The following CCDC74A variants were observed in gnomAD, a reference collection of about 807,000 sequenced individuals.
CCDC74A encodes the protein coiled-coil domain containing 74A, also known as coiled-coil domain-containing protein 74A.
CCDC74A carries 38 observed loss-of-function variants against 37.6 expected under a neutral mutation model. The ratio of observed to expected loss-of-function variants is 1.01; its 90% confidence interval spans 0.78 to 1.33. CCDC74A has a LOEUF of 1.33. Ranked by LOEUF, CCDC74A falls within the 40% of genes most tolerant of loss-of-function variation. The probability of loss-of-function intolerance (pLI) is 0.00; values close to 1 mark genes in which losing one functional copy is unlikely to be tolerated. For synonymous variants in CCDC74A, 134 were observed against 165.2 expected (o/e 0.81, Z 1.45); for missense variants, 340 against 403.4 (o/e 0.84, Z 1.35).
At chr2:131,531,179 G>C (rs1023782454) in intron 3 of CCDC74A, among the ~76,000 whole-genome samples, 2 of 152,136 alleles carry the variant, frequency 1.3e-5, no homozygotes, top group Non-Finnish European at 2.9e-5. Context: ...AAGCAGGCAG[G>C]ACACAGGAGG....
intron 1 of CCDC74A, chr2:131,529,284 C>T (rs1045634198): frequency 1.3e-5 from 6 of 452,732 alleles, no homozygotes; most frequent in African/African-American, 9.8e-5. Context: ...TCTTCTTGAG[C>T]CTCCCCCGCA....
chr2:131,530,234 C>T, intron 2 of CCDC74A: 1 of 1,547,180 alleles, frequency 6.5e-7, no homozygotes, highest in Non-Finnish European at 8.7e-7. Context: ...GGCCCCCACC[C>T]AGCCCAGGAT....
At chr2:131,528,923 C>A (rs1680693674) in intron 1 of CCDC74A, among the ~76,000 whole-genome samples, 1 of 139,038 alleles carries the variant, frequency 7.2e-6, no homozygotes, top group Non-Finnish European at 1.6e-5. Flanking sequence ...ATTCCCCCGC[C>A]CCCCACCCCG....
Position 131,532,795 on chromosome 2 carries a change from T to G in CCDC74A, c.678+14T>G. The G allele has an allele frequency of 6.2e-7, 1 of 1,612,970 alleles. No individual in the cohort carries two copies. Among genetic ancestry groups the G allele is most frequent in the South Asian group, 1.1e-5 (1 of 91,040 alleles). On this transcript the variant is annotated intron_variant, in intron 5 of 7. Coordinates refer to ENST00000409856, the MANE Select transcript of CCDC74A (RefSeq NM_001258306.3). ...CAGACCCAAGAGGTGAGGCCCTGGG[T>G]GGTGGGGGTGGCCCTGGGCAGTCTG...
upstream of CCDC74A, among the ~76,000 whole-genome samples, chr2:131,524,076 G>T (rs567082019): frequency 9.9e-5 from 15 of 152,128 alleles, no homozygotes; most frequent in Non-Finnish European, 2.2e-4. Flanking sequence ...TCTGAAACTT[G>T]CTTTGGTCTC....
rs1681555842 is a variant in CCDC74A at position 131,532,674 on chromosome 2, C to T, written c.571C>T (p.His191Tyr). The T allele has an allele frequency of 4.3e-6, 7 of 1,613,184 alleles. No individual in the cohort carries two copies. In the East Asian group the frequency reaches 8.9e-5, roughly 21 times the overall value. Residue 191 changes from histidine (H) to tyrosine (Y), a missense_variant, in exon 5 of 8, where the codon CAC (histidine) becomes TAC (tyrosine). By Grantham distance (83) the His-to-Tyr change is moderately conservative. Coordinates refer to ENST00000409856, the MANE Select transcript of CCDC74A (RefSeq NM_001258306.3). ...GGGCAGGCAGATGGGGGCGGGGGCA[C>T]ACCCCCCAATGATCCTGCCCCTTCC... ...HQGRQMGAGA[H>Y]PPMILPLPLR...
rs1047849913 is a variant in CCDC74A at position 131,528,966 on chromosome 2, G to T, written c.251-681G>T. Among the ~76,000 whole-genome samples, 215 of 123,832 alleles carry T rather than the reference G, an allele frequency of 1.7e-3. 1 individual carries two copies. The highest frequency in any genetic ancestry group is 3.0e-3 in the Non-Finnish European group (189 of 63,496). The allele number at this position is 123,832 out of a possible 152,430, so 81.2% of individuals were successfully genotyped here. On this transcript the variant is annotated intron_variant, in intron 1 of 7. Coordinates refer to ENST00000409856, the MANE Select transcript of CCDC74A (RefSeq NM_001258306.3). ...TTCGCCTGTGCCCATGCTGTCCTCC[G>T]GCGGGGCCTTCCCAACTGCACCCTT... is the stretch of plus-strand genomic sequence containing the variant.
At chr2:131,523,912 T>C (rs7608029), upstream of CCDC74A, among the ~76,000 whole-genome samples, 1 of 151,332 alleles carries the variant, frequency 6.6e-6, no homozygotes, top group Non-Finnish European at 1.5e-5. Flanking sequence ...GCCCACCCTA[T>C]GGGAAGGATC....
chr2:131,533,595 A>T lies in CCDC74A; in HGVS notation c.*197A>T. On this transcript the variant is annotated 3_prime_UTR_variant, in exon 8 of 8. Transcript: ENST00000409856. The stretch of plus-strand genomic sequence containing the variant: ...GCTGTTATTTTGCTATTTGGCATTT[A>T]CATAAAAGCACACGATGAAGCAGGT... 2.9e-6 allele frequency: 2 copies of T among 699,270 alleles called. No homozygotes were observed. Among genetic ancestry groups the T allele is most frequent in the Non-Finnish European group, 4.7e-6 (2 of 427,778 alleles). The allele number at this position is 699,270 out of a possible 1,614,324, so 43.3% of individuals were successfully genotyped here. A position where few individuals can be genotyped will look rare whatever the true frequency, so the allele number is the denominator to read the frequency against.
At chr2:131,530,358 G>A in intron 2 of CCDC74A, 2 of 1,546,776 alleles carry the variant, frequency 1.3e-6, no homozygotes, top group Non-Finnish European at 1.7e-6. Flanking sequence ...CTGGGGCAGT[G>A]CCTAGGGCTC....
upstream of CCDC74A, among the ~76,000 whole-genome samples, chr2:131,523,150 C>T (rs917255277): frequency 4.6e-5 from 7 of 152,124 alleles, no homozygotes; most frequent in African/African-American, 1.7e-4. Context: ...AGTGATGGGA[C>T]CGCCTCCGCA....
At chr2:131,531,045 G>T (rs1294942968) in intron 3 of CCDC74A, among the ~76,000 whole-genome samples, 5 of 152,124 alleles carry the variant, frequency 3.3e-5, no homozygotes, top group African/African-American at 1.2e-4. Context: ...GGGCAGTAAG[G>T]CCTCACAGCA....
At position 131,528,020 on chromosome 2, in the gene CCDC74A, C is replaced by T. The variant is rs775324360; in HGVS notation, c.50C>T (p.Thr17Ile). 1.7e-5 allele frequency: 25 copies of T among 1,483,248 alleles called. No individual in the cohort carries two copies. In the African/African-American group the frequency reaches 3.1e-4, roughly 18 times the overall value. The allele number at this position is 1,483,248 out of a possible 1,614,324, so 91.9% of individuals were successfully genotyped here. The change falls in exon 1 of 8, where the codon ACC (threonine) becomes ATC (isoleucine). Residue 17 changes from threonine to isoleucine, a missense_variant. By Grantham distance (89) the Thr-to-Ile change is moderately conservative. Coordinates refer to ENST00000409856, the MANE Select transcript of CCDC74A (RefSeq NM_001258306.3). ...GGGACGCGGCCCCCCAGCTCGCCGACCCCGGGCTCTCGGCGCCGGCGCCAG... is the reference window on the plus strand; with the variant it reads ...GGGACGCGGCCCCCCAGCTCGCCGATCCCGGGCTCTCGGCGCCGGCGCCAG... ...AAGTRPPSSP[T>I]PGSRRRRQRP...
upstream of CCDC74A, among the ~76,000 whole-genome samples, chr2:131,524,052 A>G (rs1680216343): frequency 6.6e-6 from 1 of 152,070 alleles, no homozygotes; most frequent in Non-Finnish European, 1.5e-5. Context: ...TTTAAAATAC[A>G]CTTCCACTCC....
At chr2:131,527,814 C>G, upstream of CCDC74A, 1 of 1,051,726 alleles carries the variant, frequency 9.5e-7, no homozygotes, top group South Asian at 1.9e-5. Flanking sequence ...TTGTAAATCA[C>G]TACTCACCCA....
In CCDC74A at chr2:131,531,774, A is replaced by C; in HGVS notation, c.457A>C (p.Lys153Gln). The change falls in exon 4 of 8, where the codon AAA becomes CAA. Residue 153 changes from lysine (K) to glutamine (Q), a missense_variant. Transcript: ENST00000409856. The stretch of plus-strand genomic sequence containing the variant: ...CCTACTTCACAACAGCAAGCTGGAC[A>C]AAGTTCCTGGGGTACAAGGGCAGGC... ...EPLLHNSKLD[K>Q]VPGVQGQARK... 1 of 1,492,824 alleles carries C rather than the reference A, an allele frequency of 6.7e-7. No homozygotes were observed. The highest frequency in any genetic ancestry group is 8.9e-7 in the Non-Finnish European group (1 of 1,128,756). 92.5% of individuals were successfully genotyped at this position (1,492,824 alleles called of 1,614,324 possible).
upstream of CCDC74A, among the ~76,000 whole-genome samples, chr2:131,525,207 C>A (rs1357837765): frequency 6.6e-6 from 1 of 151,972 alleles, no homozygotes; most frequent in African/African-American, 2.4e-5. Flanking sequence ...TAATTTATTC[C>A]TTCTCTAATG....
upstream of CCDC74A, among the ~76,000 whole-genome samples, chr2:131,527,203 G>C (rs1680371879): frequency 6.6e-6 from 1 of 151,968 alleles, no homozygotes; most frequent in Non-Finnish European, 1.5e-5. Context: ...TCCACCTCCT[G>C]GGTTCAAGTG....
chr2:131,532,642 A>G lies in CCDC74A; in HGVS notation c.539A>G (p.Gln180Arg), dbSNP rs765663951. ...NAGAACMGNS[Q>R]HQGRQMGAGA... ...GGAGCTGCCTGTATGGGGAACAGCC[A>G]GCACCAGGGCAGGCAGATGGGGGCG... The change falls in exon 5 of 8, where the codon CAG becomes CGG. Residue 180 changes from glutamine (Q) to arginine (R), a missense_variant. Coordinates refer to ENST00000409856, the MANE Select transcript of CCDC74A (RefSeq NM_001258306.3). 10 of 1,611,108 alleles carry G rather than the reference A, an allele frequency of 6.2e-6. No homozygotes were observed. The highest frequency in any genetic ancestry group is 1.7e-6 in the Non-Finnish European group (2 of 1,178,728).
Sources: gnomAD v4.1 joint callset for allele counts (sites outside exome capture counted in the v4.1 genomes callset) on GRCh38, gnomAD v4.1.1 for gene constraint, MANE v1.5 for transcripts, NCBI Gene and HGNC (gene_info 2026-07-23, HGNC 2026-07-21) for gene names.